The following CHCHD3 variants were observed in gnomAD, a reference collection of about 807,000 sequenced individuals.
CHCHD3 encodes MICOS complex subunit MIC19.
CHCHD3 carries 20 observed loss-of-function variants against 38.2 expected under a neutral mutation model. That is an observed-to-expected ratio of 0.52 (90% confidence interval 0.37 to 0.76). CHCHD3 has a LOEUF of 0.76. Among genes scored for constraint, CHCHD3 ranks in the 30% least tolerant of loss-of-function variants. The pLI is 0.00. For synonymous variants in CHCHD3, 82 were observed against 100.0 expected, an observed-to-expected ratio of 0.82 and a Z score of 1.07; for missense variants, 245 against 279.2, an observed-to-expected ratio of 0.88 and a Z score of 0.87.
intron 3 of CHCHD3, among the ~76,000 whole-genome samples, chr7:133,020,853 C>A (rs1261181491): frequency 6.6e-6 from 1 of 151,900 alleles, no homozygotes; most frequent in Non-Finnish European, 1.5e-5. Flanking sequence ...ACAATTAAAT[C>A]CAATGTGGGC....
intron 4 of CHCHD3, among the ~76,000 whole-genome samples, chr7:132,940,507 GA>G (rs1022655996): frequency 1.3e-5 from 2 of 152,202 alleles, no homozygotes; most frequent in African/African-American, 2.4e-5. Flanking sequence ...CAATTGGATT[GA>G]AAGTGGTGGA....
chr7:132,943,032 T>G lies in CHCHD3; in HGVS notation c.369+32137A>C, dbSNP rs74474163. 2.0e-3 allele frequency among the ~76,000 whole-genome samples: 312 copies of G among 152,286 alleles called. 3 individuals are homozygous for G. Among genetic ancestry groups the G allele is most frequent in the African/African-American group, 7.3e-3 (305 of 41,576 alleles). On this transcript the variant is annotated intron_variant, in intron 4 of 7. Coordinates refer to ENST00000262570, the MANE Select transcript of CHCHD3 (RefSeq NM_017812.4). ...AAAAATAAAGGATAAAAAATAAGCA[T>G]GAAAAGATCCTATTTTTTGTCTTAA...
chr7:133,011,478 G>A (rs1042228328), intron 3 of CHCHD3, among the ~76,000 whole-genome samples: 4 of 152,200 alleles, frequency 2.6e-5, no homozygotes, highest in African/African-American at 9.6e-5. Context: ...ACAATTCTTT[G>A]TTGTAGAGGG....
chr7:133,025,142 G>A (rs1813301464), intron 2 of CHCHD3, among the ~76,000 whole-genome samples: 2 of 152,022 alleles, frequency 1.3e-5, no homozygotes, highest in Admixed American at 1.3e-4. Flanking sequence ...TGAAAATTTT[G>A]AAACCCTATT....
At chr7:132,829,739 G>A (rs552520793) in intron 6 of CHCHD3, among the ~76,000 whole-genome samples, 2 of 152,296 alleles carry the variant, frequency 1.3e-5, no homozygotes, top group South Asian at 2.1e-4. Context: ...ACCCTATGCT[G>A]AAGTGATGGA....
intron 5 of CHCHD3, among the ~76,000 whole-genome samples, chr7:132,863,942 T>C (rs1161395084): frequency 1.3e-5 from 2 of 152,244 alleles, no homozygotes; most frequent in African/African-American, 4.8e-5. Flanking sequence ...GGGAATGTTG[T>C]GGCTGGTCTG....
chr7:132,862,299 G>C (rs1477028182), intron 5 of CHCHD3, among the ~76,000 whole-genome samples: 1 of 152,104 alleles, frequency 6.6e-6, no homozygotes, highest in Admixed American at 6.5e-5. Context: ...CTGAATACAG[G>C]CATACTTTGG....
chr7:133,001,882 C>T (rs781130932), intron 3 of CHCHD3, among the ~76,000 whole-genome samples: 1 of 152,134 alleles, frequency 6.6e-6, no homozygotes, highest in Non-Finnish European at 1.5e-5. Flanking sequence ...CTGTGTGAGT[C>T]GCTGTGCTGT....
chr7:133,020,059 T>A (rs1375710159), intron 3 of CHCHD3, among the ~76,000 whole-genome samples: 1 of 152,168 alleles, frequency 6.6e-6, no homozygotes, highest in Non-Finnish European at 1.5e-5. Context: ...GTCTACTAGA[T>A]GTTTTGATAA....
intron 2 of CHCHD3, among the ~76,000 whole-genome samples, chr7:133,044,964 T>C (rs1813940639): frequency 6.6e-6 from 1 of 152,224 alleles, no homozygotes; most frequent in South Asian, 2.1e-4. Flanking sequence ...CACTGCATGA[T>C]GCGGGGTTAG....
intron 3 of CHCHD3, among the ~76,000 whole-genome samples, chr7:132,992,594 A>G (rs539816580): frequency 6.6e-6 from 1 of 152,328 alleles, no homozygotes; most frequent in Admixed American, 6.5e-5. Context: ...TAATCATAAA[A>G]TATACACTGG....
At chr7:132,974,682 T>C (rs987096647) in intron 4 of CHCHD3, among the ~76,000 whole-genome samples, 10 of 152,246 alleles carry the variant, frequency 6.6e-5, no homozygotes, top group African/African-American at 2.2e-4. Flanking sequence ...AAGACCAGCC[T>C]GGCCAAGATA....
At position 132,913,952 on chromosome 7, in the gene CHCHD3, T is replaced by C. The variant is rs1479990077; in HGVS notation, c.370-28207A>G. ...CTCTGTAAACGTTTTCTTTTTCTTTTTTTTTTTTTTTTTTTTTGAGATGGA... is the reference window on the plus strand; with the variant it reads ...CTCTGTAAACGTTTTCTTTTTCTTTCTTTTTTTTTTTTTTTTTGAGATGGA... On this transcript the variant is annotated intron_variant, in intron 4 of 7. Transcript: ENST00000262570. Among the ~76,000 whole-genome samples the C allele has an allele frequency of 6.5e-5, 9 of 137,698 alleles. No homozygotes were observed. In the East Asian group the frequency reaches 7.9e-4, roughly 12 times the overall value. The allele number at this position is 137,698 out of a possible 152,430, so 90.3% of individuals were successfully genotyped here.
At position 132,898,526 on chromosome 7, in the gene CHCHD3, G is replaced by C. The variant is rs528091379; in HGVS notation, c.370-12781C>G. Among the ~76,000 whole-genome samples the C allele has an allele frequency of 7.9e-4, 120 of 152,346 alleles. 3 individuals carry two copies. The South Asian group carries it at 0.025, about 31-fold the overall frequency. On this transcript the variant is annotated intron_variant, in intron 4 of 7. Coordinates refer to ENST00000262570, the MANE Select transcript of CHCHD3 (RefSeq NM_017812.4). Reference sequence around the variant, plus strand: ...TTCTCCACATCCCCACCAGACTCAGGAGCCCAGCTGGCTTCACCCAGTGGA... The same window carrying C: ...TTCTCCACATCCCCACCAGACTCAGCAGCCCAGCTGGCTTCACCCAGTGGA...
At chr7:132,998,441 C>A (rs530409296) in intron 3 of CHCHD3, among the ~76,000 whole-genome samples, 19 of 152,280 alleles carry the variant, frequency 1.2e-4, no homozygotes, top group Admixed American at 3.9e-4. Flanking sequence ...GAACTGGGGT[C>A]TCAGGTGTGA....
chr7:133,009,245 G>A (rs984913085), intron 3 of CHCHD3, among the ~76,000 whole-genome samples: 3 of 151,220 alleles, frequency 2.0e-5, no homozygotes, highest in African/African-American at 7.3e-5. Flanking sequence ...GCACCTGTAA[G>A]CCCAGCTAAT....
At chr7:132,958,577 T>A (rs1811236611) in intron 4 of CHCHD3, among the ~76,000 whole-genome samples, 1 of 152,200 alleles carries the variant, frequency 6.6e-6, no homozygotes, top group Admixed American at 6.5e-5. Flanking sequence ...TGGAGATACA[T>A]TTGTTACTTG....
At chr7:132,820,595 G>A (rs1210937885) in intron 6 of CHCHD3, among the ~76,000 whole-genome samples, 1 of 149,478 alleles carries the variant, frequency 6.7e-6, no homozygotes, top group East Asian at 2.0e-4. Context: ...GCACAAACAT[G>A]GGAAAATGTG....
At position 132,796,576 on chromosome 7, in the gene CHCHD3, G is replaced by A. The variant is rs771680335; in HGVS notation, c.526C>T (p.Arg176Ter). The A allele has an allele frequency of 3.7e-6, 6 of 1,613,394 alleles. No individual in the cohort carries two copies. The highest frequency in any genetic ancestry group is 2.2e-5 in the South Asian group (2 of 91,036). The change falls in exon 7 of 8, where the codon CGA becomes TGA. Residue 176 changes from arginine (R) to a stop codon, truncating the protein, a stop_gained and splice_region_variant. Coordinates refer to ENST00000262570, the MANE Select transcript of CHCHD3 (RefSeq NM_017812.4). LOFTEE classifies it high-confidence loss of function. ...AAEEVEAKFK[R>*]YESHPVCADL... ...GCACAGACTGGATGAGACTCATATC[G>A]CCTGAAAACAAACACAGGGACCGCT...
Sources: allele counts gnomAD v4.1 joint callset (sites outside exome capture counted in the v4.1 genomes callset), GRCh38; gene constraint gnomAD v4.1.1; transcripts MANE v1.5; gene names NCBI Gene and HGNC (gene_info 2026-07-23, HGNC 2026-07-21).